The following CDYL variants were observed in gnomAD, a reference collection of about 807,000 sequenced individuals.
The protein encoded by CDYL is chromodomain Y like, also known as chromodomain Y-like protein.
A neutral mutation model predicts 47.3 loss-of-function variants in CDYL; 8 were observed. The ratio of observed to expected loss-of-function variants is 0.17; its 90% CI spans 0.10 to 0.31. CDYL has a LOEUF of 0.31. Ranked by LOEUF, CDYL falls within the 10% of genes least tolerant of loss-of-function variation. The pLI, the probability that CDYL is intolerant of heterozygous loss-of-function variation, is 1.00. For missense variants in CDYL, 471 were observed against 701.4 expected (o/e 0.67, Z 3.71); for synonymous variants, 266 against 265.0 (o/e 1.00, Z -0.04).
At chr6:4,951,072 G>A (rs905404246) in intron 5 of CDYL, among the ~76,000 whole-genome samples, 6 of 152,128 alleles carry the variant, frequency 3.9e-5, no homozygotes, top group South Asian at 2.1e-4. Context: ...TCCAAGCTGC[G>A]GGTTTCACAT....
intron 2 of CDYL, among the ~76,000 whole-genome samples, chr6:4,716,110 G>A (rs573080556): frequency 4.7e-4 from 71 of 152,080 alleles, no homozygotes; most frequent in South Asian, 2.9e-3. Context: ...TTAGCCTGGC[G>A]TGGTGTGGGT....
chr6:4,870,641 T>G (rs1287184975), intron 1 of CDYL, among the ~76,000 whole-genome samples: 1 of 152,162 alleles, frequency 6.6e-6, no homozygotes, highest in Non-Finnish European at 1.5e-5. Flanking sequence ...TCCCATTACA[T>G]GTATGTCTGC....
chr6:4,813,908 T>C, intron 1 of CDYL, among the ~76,000 whole-genome samples: 1 of 151,046 alleles, frequency 6.6e-6, no homozygotes, highest in East Asian at 2.0e-4. Flanking sequence ...CGGCTGGAAC[T>C]ACAGAAGTGT....
At chr6:4,801,608 G>GA (rs761590217) in intron 1 of CDYL, among the ~76,000 whole-genome samples, 8 of 152,088 alleles carry the variant, frequency 5.3e-5, no homozygotes, top group Non-Finnish European at 1.0e-4. Context: ...TTGCACTGGT[G>GA]GTGGTTTTAG....
chr6:4,771,363 C>G (rs1758335744), intron 3 of CDYL, among the ~76,000 whole-genome samples: 1 of 152,166 alleles, frequency 6.6e-6, no homozygotes, highest in African/African-American at 2.4e-5. Flanking sequence ...ATCCACCTGC[C>G]TTGGCCTCCT....
intron 2 of CDYL, among the ~76,000 whole-genome samples, chr6:4,903,244 A>G (rs1403504517): frequency 6.6e-6 from 1 of 152,298 alleles, no homozygotes; most frequent in East Asian, 1.9e-4. Flanking sequence ...CTCCTGCGCC[A>G]TGTCCCTGCT....
chr6:4,794,194 G>A (rs541836407), intron 1 of CDYL, among the ~76,000 whole-genome samples: 38 of 152,174 alleles, frequency 2.5e-4, no homozygotes, highest in African/African-American at 8.7e-4. Context: ...TAGAGCTTGC[G>A]GGGAGATAAG....
At chr6:4,891,575 T>C in intron 1 of CDYL, 138 bp from the exon 2 acceptor site, 1 of 679,266 alleles carries the variant, frequency 1.5e-6, no homozygotes, top group Non-Finnish European at 2.5e-6. Flanking sequence ...GGCCTATTAC[T>C]ATTTTATTGA....
At chr6:4,714,488 T>C (rs1582270440) in intron 1 of CDYL, 1 of 152,192 alleles carries the variant, frequency 6.6e-6, no homozygotes, top group Middle Eastern at 3.4e-3. Context: ...TGGTATATAA[T>C]AAGCTCTCAA....
intron 1 of CDYL, among the ~76,000 whole-genome samples, chr6:4,782,561 TTTGGGG>T (rs1758644885): frequency 6.6e-6 from 1 of 152,174 alleles, no homozygotes; most frequent in Non-Finnish European, 1.5e-5. Context: ...TGGGCAAGGT[TTTGGGG>T]TTCACGTTCT....
chr6:4,805,509 A>G (rs1318138950), intron 1 of CDYL, among the ~76,000 whole-genome samples: 1 of 152,086 alleles, frequency 6.6e-6, no homozygotes, highest in African/African-American at 2.4e-5. Flanking sequence ...TATTATAGGG[A>G]TTTGTTTATG....
intron 1 of CDYL, among the ~76,000 whole-genome samples, chr6:4,785,493 GT>G (rs1191041781): frequency 1.3e-5 from 2 of 152,098 alleles, no homozygotes; most frequent in Non-Finnish European, 2.9e-5. Context: ...ATGTTCTTTG[GT>G]TAAAATGTAT....
At chr6:4,805,812 G>T (rs1037387364) in intron 1 of CDYL, among the ~76,000 whole-genome samples, 1 of 152,184 alleles carries the variant, frequency 6.6e-6, no homozygotes, top group Non-Finnish European at 1.5e-5. Context: ...TTAAGAGGGC[G>T]GCTCTTCTTT....
intron 2 of CDYL, chr6:4,734,716 G>A: frequency 6.2e-7 from 1 of 1,609,646 alleles, no homozygotes; most frequent in Non-Finnish European, 8.5e-7. Flanking sequence ...ATGGGGAAGA[G>A]GATGGGTCCA....
At chr6:4,849,409 G>T (rs991587710) in intron 1 of CDYL, among the ~76,000 whole-genome samples, 1 of 152,126 alleles carries the variant, frequency 6.6e-6, no homozygotes, top group African/African-American at 2.4e-5. Flanking sequence ...AGTGCTTTTT[G>T]AGGTTAACAG....
intron 1 of CDYL, 121 bp downstream of exon 1, chr6:4,776,928 C>A: frequency 3.4e-6 from 1 of 297,984 alleles, no homozygotes; most frequent in Non-Finnish European, 4.9e-6. Flanking sequence ...CCGCCGCGGC[C>A]GCAGTTTGCT....
At chr6:4,892,879 C>T (rs1355895632) in intron 2 of CDYL, among the ~76,000 whole-genome samples, 1 of 152,166 alleles carries the variant, frequency 6.6e-6, no homozygotes, top group East Asian at 1.9e-4. Context: ...CTGTTGTGAT[C>T]GGCAGTGCAG....
At chr6:4,815,334 A>G (rs892601767) in intron 1 of CDYL, among the ~76,000 whole-genome samples, 4 of 152,192 alleles carry the variant, frequency 2.6e-5, no homozygotes, top group African/African-American at 9.7e-5. Context: ...GAACTTAAGA[A>G]TATTTTGTAT....
chr6:4,935,560 A>G lies in CDYL; in HGVS notation c.737A>G (p.Asn246Ser), dbSNP rs1581277309. The stretch of plus-strand genomic sequence containing the variant: ...GCATTAACAGCCAATGGGACAACCA[A>G]CATACAGACATCTGTTACAGGAGTG... ...MDALTANGTT[N>S]IQTSVTGVTA... is the part of the protein sequence containing the mutation. Residue 246 changes from asparagine (N) to serine (S), a missense_variant, in exon 3 of 7, where the codon AAC (asparagine) becomes AGC (serine). Around this residue, in one of 3 missense-constraint regions of CDYL, gnomAD observed 311 missense variants for 350.0 expected, o/e 0.89. Coordinates refer to ENST00000397588, the MANE Select transcript of CDYL (RefSeq NM_004824.4). 3 of 1,614,224 alleles carry G rather than the reference A, an allele frequency of 1.9e-6. No homozygotes were observed. The highest frequency in any genetic ancestry group is 1.1e-5 in the South Asian group (1 of 91,080).
Sources: gnomAD v4.1 joint callset for allele counts (sites outside exome capture counted in the v4.1 genomes callset) on GRCh38, gnomAD v4.1.1 for gene constraint, gnomAD v4.1.1 regional missense constraint, MANE v1.5 for transcripts, NCBI Gene and HGNC (gene_info 2026-07-23, HGNC 2026-07-21) for gene names.